HOGA1: variants seen among roughly 807,000 people sequenced by gnomAD.
HOGA1 encodes 4-hydroxy-2-oxoglutarate aldolase 1.
In HOGA1, 30 loss-of-function variants were observed where a neutral mutation model predicts 34.3. That is an observed-to-expected ratio of 0.87 (90% CI 0.65 to 1.19). HOGA1 has a LOEUF of 1.19. Ranked by LOEUF, HOGA1 falls within the 50% of genes most tolerant of loss-of-function variation. HOGA1 has a pLI of 0.00. For missense variants in HOGA1, 417 were observed against 436.5 expected, an observed-to-expected ratio of 0.96 and a Z score of 0.40; for synonymous variants, 161 against 174.0, an observed-to-expected ratio of 0.93 and a Z score of 0.59.
chr10:97,609,884 C>T (rs898261344), intron 6 of HOGA1, among the ~76,000 whole-genome samples: 13 of 151,852 alleles, frequency 8.6e-5, no homozygotes, highest in African/African-American at 3.1e-4. Context: ...CCACCCATTC[C>T]GAGAAAAAAA....
intron 1 of HOGA1, among the ~76,000 whole-genome samples, chr10:97,595,641 G>A (rs933143625): frequency 6.6e-6 from 1 of 152,234 alleles, no homozygotes; most frequent in African/African-American, 2.4e-5. Flanking sequence ...GCTGCAGTGA[G>A]CCGAGGTCGC....
intron 1 of HOGA1, among the ~76,000 whole-genome samples, chr10:97,597,070 G>A (rs773353553): frequency 7.3e-5 from 11 of 151,326 alleles, no homozygotes; most frequent in Admixed American, 2.6e-4. Flanking sequence ...TACTGCTTGT[G>A]GCCTTATTTT....
chr10:97,597,494 G>A (rs1045505111), intron 1 of HOGA1, among the ~76,000 whole-genome samples: 1 of 152,024 alleles, frequency 6.6e-6, no homozygotes, highest in Admixed American at 6.6e-5. Context: ...CAGGTATACT[G>A]GTTAGACATA....
At chr10:97,588,191 TTTTCTTTC>T (rs1424622525) in intron 1 of HOGA1, among the ~76,000 whole-genome samples, 1 of 141,870 alleles carries the variant, frequency 7.0e-6, no homozygotes, top group Non-Finnish European at 1.5e-5. Flanking sequence ...TCTTTTTGTT[TTTTCTTTC>T]TTTTTTTTTT....
At chr10:97,600,516 G>C in intron 5 of HOGA1, 1 of 381,194 alleles carries the variant, frequency 2.6e-6, no homozygotes, top group South Asian at 2.4e-5. Flanking sequence ...GCCCTCCTCT[G>C]TAGTTCAGGA....
At chr10:97,590,398 G>A (rs1228170230) in intron 1 of HOGA1, 8 of 1,614,162 alleles carry the variant, frequency 5.0e-6, no homozygotes, top group Non-Finnish European at 6.8e-6. Flanking sequence ...ACCAGGAGGA[G>A]CTGAGGGCCC....
chr10:97,594,227 G>A (rs571347454), intron 1 of HOGA1, among the ~76,000 whole-genome samples: 4 of 128,714 alleles, frequency 3.1e-5, no homozygotes, highest in East Asian at 2.5e-4. Context: ...CCAGGCTACC[G>A]ATCAGTGGTG....
chr10:97,606,007 G>T lies in HOGA1; in HGVS notation c.834+4017G>T, dbSNP rs116726005. Among the ~76,000 whole-genome samples, 1,327 of 151,884 alleles carry T rather than the reference G, an allele frequency of 8.7e-3. 21 individuals carry two copies. Among genetic ancestry groups the T allele is most frequent in the African/African-American group, 0.029 (1,185 of 41,398 alleles). ...AGTCTAATAACTCTTAAAGAGTTCT[G>T]GGCATGGTGGCTCACGCCTATAATC... is the stretch of plus-strand genomic sequence containing the variant. On this transcript the variant is annotated intron_variant, in intron 6 of 6. Coordinates refer to ENST00000370646, the MANE Select transcript of HOGA1 (RefSeq NM_138413.4).
chr10:97,584,798 AG>A lies in HOGA1; in HGVS notation c.97del (p.Val33TrpfsTer10), dbSNP rs1204352693. On this transcript the variant is annotated frameshift_variant, in exon 1 of 7. Coordinates refer to ENST00000370646, the MANE Select transcript of HOGA1 (RefSeq NM_138413.4). LOFTEE classifies it high-confidence loss of function. ...GTCTGGGCCTCAGGGGAGGGGAAGA[AG>A]GTGGACATTGCGGGTATCTACCCCC... ...VGVWASGEGKKVDIAGIYPPV... is the reference protein window; with the variant it reads ...VGVWASGEGKXVDIAGIYPPV... 6.2e-7 allele frequency: 1 copy of A among 1,613,950 alleles called. No homozygotes were observed. Among genetic ancestry groups the A allele is most frequent in the Non-Finnish European group, 8.5e-7 (1 of 1,179,948 alleles).
Position 97,598,832 on chromosome 10 carries a change from T to A in HOGA1, c.269T>A (p.Leu90His), listed in dbSNP as rs373226228. ...CCTTTCCTGACCAGCAGTGAGCGCC[T>A]CGAGGTGGTGAGCCGTGTGCGCCAG... Reference protein sequence around the residue: ...EFPFLTSSERLEVVSRVRQAM... With the variant: ...EFPFLTSSERHEVVSRVRQAM... Residue 90 changes from leucine (L) to histidine (H), a missense_variant, in exon 2 of 7, where the codon CTC (leucine) becomes CAC (histidine). By Grantham distance (99) the Leu-to-His change is moderately conservative. Transcript: ENST00000370646. 3.4e-5 allele frequency: 55 copies of A among 1,613,978 alleles called. 1 individual carries two copies. In the Middle Eastern group the frequency reaches 9.9e-4, roughly 29 times the overall value.
chr10:97,601,825 C>CT (rs1564759834), intron 5 of HOGA1, 32 bp from the exon 6 acceptor site: 4 of 1,611,842 alleles, frequency 2.5e-6, no homozygotes, highest in Non-Finnish European at 3.4e-6. Flanking sequence ...GGGAGAGGCT[C>CT]TGGCTGATGT....
intron 6 of HOGA1, among the ~76,000 whole-genome samples, chr10:97,608,882 G>A (rs1336742929): frequency 6.6e-6 from 1 of 152,168 alleles, no homozygotes; most frequent in African/African-American, 2.4e-5. Flanking sequence ...TTGCATGCAA[G>A]GTAAGGGCCT....
intron 6 of HOGA1, among the ~76,000 whole-genome samples, chr10:97,610,809 T>A (rs937310820): frequency 2.7e-5 from 4 of 150,828 alleles, no homozygotes; most frequent in Admixed American, 6.6e-5. Flanking sequence ...AAAAAATAAA[T>A]AAATAAAAAT....
In HOGA1 at chr10:97,603,656, G is replaced by A. The variant is rs185126952; in HGVS notation, c.834+1666G>A. Among the ~76,000 whole-genome samples the A allele has an allele frequency of 6.7e-3, 1,017 of 151,950 alleles. 13 individuals are homozygous for A. The highest frequency in any genetic ancestry group is 0.024 in the African/African-American group (975 of 41,450). ...TTGGCTCACTGCAACCTCTGCCCCCGGGTTCAAGCAATTCTCCTGCCTCAG... is the reference window on the plus strand; with the variant it reads ...TTGGCTCACTGCAACCTCTGCCCCCAGGTTCAAGCAATTCTCCTGCCTCAG... On this transcript the variant is annotated intron_variant, in intron 6 of 6. Coordinates refer to ENST00000370646, the MANE Select transcript of HOGA1 (RefSeq NM_138413.4). The surrounding 1 kb of genome is among the most constrained non-coding windows in gnomAD (Gnocchi z 4.5).
chr10:97,592,845 A>G (rs2041037605), intron 1 of HOGA1, among the ~76,000 whole-genome samples: 1 of 151,558 alleles, frequency 6.6e-6, no homozygotes, highest in Admixed American at 6.6e-5. Context: ...AGCCTGGACA[A>G]CCTCGTGAAA....
At chr10:97,591,279 T>C (rs1231973529) in intron 1 of HOGA1, among the ~76,000 whole-genome samples, 1 of 152,140 alleles carries the variant, frequency 6.6e-6, no homozygotes, top group Non-Finnish European at 1.5e-5. Flanking sequence ...TCAAGTCATG[T>C]GGCATCCTAC....
At position 97,611,886 on chromosome 10, in the gene HOGA1, T is replaced by C. The variant is rs1165425868; in HGVS notation, c.*227T>C. ...CCTTTTGGATCCTAAACTGTGTCTCTGGTCTGAAGACTGGGAAGGAGCAAT... is the reference window on the plus strand; with the variant it reads ...CCTTTTGGATCCTAAACTGTGTCTCCGGTCTGAAGACTGGGAAGGAGCAAT... On this transcript the variant is annotated 3_prime_UTR_variant, in exon 7 of 7. Coordinates refer to ENST00000370646, the MANE Select transcript of HOGA1 (RefSeq NM_138413.4). 1 of 577,054 alleles carries C rather than the reference T, an allele frequency of 1.7e-6. No individual in the cohort carries two copies. The highest frequency in any genetic ancestry group is 1.9e-5 in the African/African-American group (1 of 53,548). The allele number at this position is 577,054 out of a possible 1,614,324, so 35.7% of individuals were successfully genotyped here.
intron 1 of HOGA1, chr10:97,590,394 AG>A: frequency 6.2e-7 from 1 of 1,614,180 alleles, no homozygotes; most frequent in South Asian, 1.1e-5. Flanking sequence ...ATCAACCAGG[AG>A]GAGCTGAGGG....
chr10:97,585,965 C>T (rs1401179188), intron 1 of HOGA1, among the ~76,000 whole-genome samples: 10 of 151,996 alleles, frequency 6.6e-5, no homozygotes, highest in South Asian at 2.1e-4. Context: ...AGTGAAACCC[C>T]GTCTCTACTA....
Sources: gnomAD v4.1 joint callset for allele counts (sites outside exome capture counted in the v4.1 genomes callset) on GRCh38, gnomAD v4.1.1 for gene constraint, Gnocchi (gnomAD v3.1) non-coding constraint, MANE v1.5 for transcripts, NCBI Gene and HGNC (gene_info 2026-07-23, HGNC 2026-07-21) for gene names.